KRT8: variants seen among roughly 807,000 people sequenced by gnomAD.
KRT8 encodes keratin 8.
KRT8 carries 24 observed loss-of-function variants against 43.0 expected under a neutral mutation model. That is an observed-to-expected ratio of 0.56 (90% CI 0.40 to 0.78). The LOEUF (loss-of-function observed/expected upper bound fraction) is 0.78, where lower values mean the gene tolerates loss of function less well. Ranked by LOEUF, KRT8 falls within the 30% of genes least tolerant of loss-of-function variation. The pLI is 0.00. For synonymous variants in KRT8, 214 were observed against 261.2 expected (o/e 0.82, Z 1.74); for missense variants, 492 against 638.4 (o/e 0.77, Z 2.47).
At chr12:52,898,108 T>G (rs139653434) in intron 7 of KRT8, among the ~76,000 whole-genome samples, 3,583 of 152,272 alleles carry the variant, frequency 0.024, 72 homozygotes, top group Admixed American at 0.052. Context: ...GAGGTTACAG[T>G]GAGCTGAGAT....
intron 2 of KRT8, among the ~76,000 whole-genome samples, chr12:52,913,088 A>G (rs1476171608): frequency 6.6e-6 from 1 of 152,250 alleles, no homozygotes; most frequent in Non-Finnish European, 1.5e-5. Flanking sequence ...CCTGGAAGCC[A>G]TAAACATCCA....
upstream of KRT8, among the ~76,000 whole-genome samples, chr12:52,910,929 C>T (rs577643441): frequency 3.9e-5 from 6 of 152,298 alleles, no homozygotes; most frequent in African/African-American, 1.4e-4. Flanking sequence ...TTTCATTTAT[C>T]CACATATTTG....
chr12:52,924,448 CA>C (rs67999410), intron 2 of KRT8, among the ~76,000 whole-genome samples: 40,212 of 110,822 alleles, frequency 0.36, 6,259 homozygotes, highest in Non-Finnish European at 0.44. Context: ...GACTCCGTCT[CA>C]AAAAAAAAAA....
chr12:52,941,505 T>TTTTTTG (rs1942268480), intron 2 of KRT8, among the ~76,000 whole-genome samples: 1 of 108,324 alleles, frequency 9.2e-6, no homozygotes, highest in African/African-American at 3.2e-5. Context: ...TTTTTTTTTT[T>TTTTTTG]GAGACAGTGT....
intron 1 of KRT8, chr12:52,949,677 A>AC (rs17120866): frequency 0.47 from 544,023 of 1,159,230 alleles, 134,341 homozygotes; most frequent in African/African-American, 0.71. Context: ...TTCCATAACC[A>AC]CCCAACCCCT....
intron 2 of KRT8, among the ~76,000 whole-genome samples, chr12:52,940,177 A>T (rs1467512274): frequency 6.6e-6 from 1 of 152,142 alleles, no homozygotes; most frequent in African/African-American, 2.4e-5. Flanking sequence ...TCATGCCTGT[A>T]ATCCCAGCAC....
chr12:52,899,822 G>A (rs1393653243), exon 5 of KRT8: 7 of 1,611,734 alleles, frequency 4.3e-6, no homozygotes, highest in African/African-American at 2.7e-5. Context: ...CTGATGTTCC[G>A]GTTCATCTCA....
chr12:52,938,155 T>TAC (rs1942202638), intron 2 of KRT8, among the ~76,000 whole-genome samples: 2 of 34,046 alleles, frequency 5.9e-5, no homozygotes, highest in Non-Finnish European at 1.1e-4. Context: ...TATATATATA[T>TAC]ATATATATAT....
In KRT8 at chr12:52,897,593, G is replaced by GC. The variant is rs1001439952; in HGVS notation, c.1286dup (p.Leu430ProfsTer41). 4 of 1,598,046 alleles carry GC rather than the reference G, an allele frequency of 2.5e-6. No homozygotes were observed. In the African/African-American group the frequency reaches 5.3e-5, roughly 21 times the overall value. Reference sequence around the variant, plus strand: ...TGTAGCTGAGGCCGGGGCTTGTGAGGCCCCCATAGGCCGAGCTCAGACCAC... The same window carrying GC: ...TGTAGCTGAGGCCGGGGCTTGTGAGGCCCCCCATAGGCCGAGCTCAGACCAC... On this transcript the variant is annotated frameshift_variant, in exon 8 of 8. Coordinates refer to ENST00000692008, the Ensembl canonical transcript of KRT8. LOFTEE classifies it high-confidence loss of function.
chr12:52,926,530 G>A, intron 2 of KRT8: 1 of 1,400,756 alleles, frequency 7.1e-7, no homozygotes, highest in South Asian at 1.2e-5. Flanking sequence ...GCCGGAAGTG[G>A]CCACTCCTAT....
chr12:52,919,611 G>A (rs1941844961), intron 2 of KRT8, among the ~76,000 whole-genome samples: 1 of 151,596 alleles, frequency 6.6e-6, no homozygotes, highest in African/African-American at 2.4e-5. Context: ...CAAAGTGTCA[G>A]ATCTCTTACA....
exon 8 of KRT8, chr12:52,897,394 G>A: frequency 6.9e-7 from 1 of 1,457,250 alleles, no homozygotes; most frequent in Non-Finnish European, 9.5e-7. Flanking sequence ...GGGCAGCGCA[G>A]GAGGGGTAGG....
At chr12:52,909,492 C>T (rs1404015120), upstream of KRT8, among the ~76,000 whole-genome samples, 1 of 152,196 alleles carries the variant, frequency 6.6e-6, no homozygotes, top group Non-Finnish European at 1.5e-5. Context: ...TGTTATGTGC[C>T]TCAAGGCTAA....
intron 5 of KRT8, among the ~76,000 whole-genome samples, 156 bp downstream of exon 5, chr12:52,899,619 A>G (rs1156669474): frequency 1.3e-5 from 2 of 152,070 alleles, no homozygotes; most frequent in Non-Finnish European, 2.9e-5. Flanking sequence ...GCTTCTCAGA[A>G]GCAGACTGAG....
At chr12:52,903,610 G>T (rs986109805) in intron 1 of KRT8, 3 of 152,224 alleles carry the variant, frequency 2.0e-5, no homozygotes, top group African/African-American at 7.2e-5. Flanking sequence ...CGGAGTCCCA[G>T]GGCTGCAAAA....
chr12:52,899,839 T>C, exon 5 of KRT8: 1 of 1,612,158 alleles, frequency 6.2e-7, no homozygotes, highest in East Asian at 2.2e-5. Flanking sequence ...CTCAGAGATC[T>C]CAGTCTTTGT....
chr12:52,933,952 G>A (rs560664071), intron 2 of KRT8, among the ~76,000 whole-genome samples: 198 of 151,822 alleles, frequency 1.3e-3, no homozygotes, highest in Non-Finnish European at 2.4e-3. Flanking sequence ...AAGAATAGCC[G>A]GGAACGGTGG....
At chr12:52,925,152 C>T (rs962241043) in intron 2 of KRT8, among the ~76,000 whole-genome samples, 5 of 152,116 alleles carry the variant, frequency 3.3e-5, no homozygotes, top group East Asian at 3.9e-4. Flanking sequence ...GAAAATGGTG[C>T]GTTCAGACAG....
At chr12:52,924,129 C>T (rs1023297397) in intron 2 of KRT8, among the ~76,000 whole-genome samples, 9 of 152,250 alleles carry the variant, frequency 5.9e-5, no homozygotes, top group African/African-American at 1.9e-4. Context: ...CCACCCACCA[C>T]ACCCGGCCAA....
Sources: gnomAD v4.1 joint callset for allele counts (sites outside exome capture counted in the v4.1 genomes callset) on GRCh38, gnomAD v4.1.1 for gene constraint, MANE v1.5 for transcripts, NCBI Gene and HGNC (gene_info 2026-07-23, HGNC 2026-07-21) for gene names.